The following SAXO4 variants were observed in gnomAD, a reference collection of about 807,000 sequenced individuals.
SAXO4 encodes protein phosphatase 1 regulatory subunit 32.
the SAXO4 span, chr11:61,481,911 C>A: frequency 0.8 from 1,268,571 of 1,578,658 alleles, 513,880 homozygotes; most frequent in East Asian, 0.97. Flanking sequence ...GCTACTGCAC[C>A]GCCTACGGTG....
chr11:61,486,537 TA>T, the SAXO4 span: 1 of 1,614,160 alleles, frequency 6.2e-7, no homozygotes, highest in East Asian at 2.2e-5. Context: ...GATGAGTTCC[TA>T]CCTGTGTTGG....
the SAXO4 span, chr11:61,489,981 C>T: frequency 6.3e-6 from 10 of 1,578,072 alleles, no homozygotes; most frequent in Non-Finnish European, 8.6e-6. Flanking sequence ...TTTCTCCCTA[C>T]CCCTCATCCA....
At chr11:61,489,532 C>T in the SAXO4 span, 1 of 583,780 alleles carries the variant, frequency 1.7e-6, no homozygotes. Flanking sequence ...TACTGGCAGG[C>T]CAGGGACAGG....
At chr11:61,486,272 A>C in the SAXO4 span, 1 of 1,521,424 alleles carries the variant, frequency 6.6e-7, no homozygotes, top group Non-Finnish European at 9.1e-7. Flanking sequence ...GCCTGGAGGC[A>C]GAGTGGGTGG....
At chr11:61,489,170 C>G in the SAXO4 span, 1 of 135,462 alleles carries the variant, frequency 7.4e-6, no homozygotes, top group African/African-American at 3.3e-5. Context: ...ATGTTCTGAC[C>G]CCTTCTTAGG....
chr11:61,490,535 AC>A, the SAXO4 span: 2 of 1,614,076 alleles, frequency 1.2e-6, no homozygotes, highest in South Asian at 2.2e-5. Flanking sequence ...CTACCAGAAC[AC>A]ACCTCACAGC....
chr11:61,482,017 G>A, the SAXO4 span: 5 of 847,180 alleles, frequency 5.9e-6, no homozygotes, highest in Admixed American at 5.5e-5. Context: ...TCACACTGCA[G>A]AGCAACTGCT....
the SAXO4 span, chr11:61,484,654 C>T: frequency 6.2e-7 from 1 of 1,610,816 alleles, no homozygotes. Context: ...TGACTGCCGC[C>T]CCCTCACTTG....
At chr11:61,489,989 C>A in the SAXO4 span, 31 of 1,561,370 alleles carry the variant, frequency 2.0e-5, no homozygotes, top group Non-Finnish European at 2.6e-5. Flanking sequence ...TACCCCTCAT[C>A]CAGGCCGTGT....
chr11:61,485,358 G>C, the SAXO4 span: 1 of 1,614,048 alleles, frequency 6.2e-7, no homozygotes, highest in South Asian at 1.1e-5. Flanking sequence ...TCATGACGTC[G>C]GAGTACAATT....
the SAXO4 span, chr11:61,489,926 C>G: frequency 6.2e-7 from 1 of 1,611,818 alleles, no homozygotes; most frequent in Non-Finnish European, 8.5e-7. Flanking sequence ...GCCTGCGGCA[C>G]CTGCATCCCC....
the SAXO4 span, chr11:61,484,593 C>A: frequency 2.9e-5 from 43 of 1,505,970 alleles, no homozygotes; most frequent in Non-Finnish European, 3.8e-5. Context: ...TCTGGCTGCT[C>A]TGCAGATACT....
the SAXO4 span, chr11:61,486,467 A>C: frequency 2.8e-5 from 45 of 1,612,712 alleles, no homozygotes; most frequent in Non-Finnish European, 3.6e-5. Context: ...ATGGCTCTGG[A>C]AGGTGGTGGG....
chr11:61,486,689 A>T, the SAXO4 span: 1 of 1,345,032 alleles, frequency 7.4e-7, no homozygotes, highest in South Asian at 1.2e-5. Context: ...TGGGTCAGGC[A>T]TTGAAGAATG....
At chr11:61,485,288 CG>C in the SAXO4 span, 6 of 1,552,646 alleles carry the variant, frequency 3.9e-6, no homozygotes, top group Non-Finnish European at 3.5e-6. Flanking sequence ...CACACGCCTT[CG>C]GGGCCCTGGT....
chr11:61,484,400 C>T, the SAXO4 span, among the ~76,000 whole-genome samples: 1 of 152,098 alleles, frequency 6.6e-6, no homozygotes, highest in Non-Finnish European at 1.5e-5. Context: ...CCAGGCAGTG[C>T]CAACAGCAAG....
At chr11:61,481,415 C>A in the SAXO4 span, among the ~76,000 whole-genome samples, 1 of 152,086 alleles carries the variant, frequency 6.6e-6, no homozygotes, top group Non-Finnish European at 1.5e-5. Flanking sequence ...TCATTCATTC[C>A]GAGAGGTGGG....
the SAXO4 span, chr11:61,489,925 A>T: frequency 6.2e-7 from 1 of 1,611,914 alleles, no homozygotes; most frequent in African/African-American, 1.3e-5. Context: ...AGCCTGCGGC[A>T]CCTGCATCCC....
At chr11:61,484,909 A>G in the SAXO4 span, 1 of 1,437,442 alleles carries the variant, frequency 7.0e-7, no homozygotes, top group Non-Finnish European at 9.2e-7. Context: ...GCACTGACTC[A>G]CCCAAGAAGC....
Sources: gnomAD v4.1 joint callset for allele counts (sites outside exome capture counted in the v4.1 genomes callset) on GRCh38, gnomAD v4.1.1 for gene constraint, MANE v1.5 for transcripts, NCBI Gene and HGNC (gene_info 2026-07-23, HGNC 2026-07-21) for gene names.